Variants in KDSR observed in about 807,000 individuals in gnomAD.
The protein encoded by KDSR is 3-ketodihydrosphingosine reductase.
Under a neutral mutation model 41.3 loss-of-function variants are expected in KDSR, and 23 were observed. That is an observed-to-expected ratio of 0.56 (90% CI 0.40 to 0.79). The LOEUF (loss-of-function observed/expected upper bound fraction) is 0.79. KDSR is among the 30% of genes least tolerant of loss of function. KDSR has a pLI of 0.00. For missense variants in KDSR, 351 were observed against 416.8 expected, an observed-to-expected ratio of 0.84 and a Z score of 1.37; for synonymous variants, 138 against 151.7, an observed-to-expected ratio of 0.91 and a Z score of 0.66.
intron 7 of KDSR, among the ~76,000 whole-genome samples, chr18:63,342,428 G>T (rs1914369446): frequency 6.6e-6 from 1 of 152,114 alleles, no homozygotes; most frequent in Admixed American, 6.6e-5. Context: ...ACCAGGAACG[G>T]GGACGACCCC....
At chr18:63,337,702 G>A (rs118148185) in intron 8 of KDSR, among the ~76,000 whole-genome samples, 1,571 of 152,266 alleles carry the variant, frequency 0.01, 41 homozygotes, top group East Asian at 0.066. Flanking sequence ...TGAGGCGTGC[G>A]GATTACCCGA....
At chr18:63,341,010 T>C (rs1914327028) in intron 7 of KDSR, among the ~76,000 whole-genome samples, 1 of 152,212 alleles carries the variant, frequency 6.6e-6, no homozygotes, top group Non-Finnish European at 1.5e-5. Flanking sequence ...GAGCAGATGC[T>C]GGCATATGAG....
chr18:63,333,024 A>C (rs1914056267), intron 9 of KDSR, among the ~76,000 whole-genome samples: 1 of 152,192 alleles, frequency 6.6e-6, no homozygotes, highest in East Asian at 1.9e-4. Context: ...GAAAGAAAAA[A>C]AAGAGCCTGG....
rs764875529 is a variant in KDSR, at chr18:63,338,901, T to C, written c.694-18A>G. ...TCCAAAGGCTAAAAGTGGAAAAACATGTACATAACAATATCATGATTGCCC... is the reference window on the plus strand; with the variant it reads ...TCCAAAGGCTAAAAGTGGAAAAACACGTACATAACAATATCATGATTGCCC... On this transcript the variant is annotated intron_variant, in intron 7 of 9. Coordinates refer to ENST00000645214, the MANE Select transcript of KDSR (RefSeq NM_002035.4). The C allele has an allele frequency of 1.4e-6, 2 of 1,467,210 alleles. No homozygotes were observed. The highest frequency in any genetic ancestry group is 1.2e-5 in the South Asian group (1 of 82,868). 90.9% of individuals were successfully genotyped at this position (1,467,210 alleles called of 1,614,324 possible). A position where few individuals can be genotyped will look rare whatever the true frequency, so the allele number is the denominator to read the frequency against.
rs765406722 is a variant in KDSR at position 63,367,132 on chromosome 18, C to T, written c.-14G>A. 1.5e-5 allele frequency: 20 copies of T among 1,303,328 alleles called. No homozygotes were observed. Among genetic ancestry groups the T allele is most frequent in the Non-Finnish European group, 1.9e-5 (19 of 1,020,140 alleles). The allele number at this position is 1,303,328 out of a possible 1,614,324, so 80.7% of individuals were successfully genotyped here. On this transcript the variant is annotated 5_prime_UTR_variant, in exon 1 of 10. Transcript: ENST00000645214. ...CAGCAGCAGCATCGCTCCGCGGGGCCAGGGGCCCGGAGCGGCCGGGCGGGG... is the reference window on the plus strand; with the variant it reads ...CAGCAGCAGCATCGCTCCGCGGGGCTAGGGGCCCGGAGCGGCCGGGCGGGG...
intron 1 of KDSR, among the ~76,000 whole-genome samples, chr18:63,364,838 C>G (rs1383352130): frequency 1.3e-5 from 2 of 152,054 alleles, no homozygotes; most frequent in African/African-American, 2.4e-5. Context: ...TCTTATTTGT[C>G]AAAAAACGAA....
In KDSR at chr18:63,359,777, C is replaced by G. The variant is rs1207175434; in HGVS notation, c.214G>C (p.Ala72Pro). The G allele has an allele frequency of 1.2e-6, 2 of 1,608,546 alleles. No individual in the cohort carries two copies. The highest frequency in any genetic ancestry group is 2.2e-5 in the South Asian group (2 of 90,940). ...GAGTGCATTTCAATTTCTTTCTTTG[C>G]CTGCAGCAGCTTATCCTGAAAGCAA... The part of the protein sequence containing the change: ...VARNEDKLLQ[A>P]KKEIEMHSIN... Residue 72 changes from alanine (A) to proline (P), a missense_variant, in exon 3 of 10, where the codon GCA becomes CCA. Coordinates refer to ENST00000645214, the MANE Select transcript of KDSR (RefSeq NM_002035.4).
At chr18:63,365,552 A>AGT (rs1206115455) in intron 1 of KDSR, among the ~76,000 whole-genome samples, 1 of 152,254 alleles carries the variant, frequency 6.6e-6, no homozygotes, top group Non-Finnish European at 1.5e-5. Flanking sequence ...CCACCTGAAC[A>AGT]GACACAGCAT....
chr18:63,344,543 G>T lies in KDSR; in HGVS notation c.610-50C>A, dbSNP rs375319550. 2.1e-5 allele frequency: 29 copies of T among 1,351,064 alleles called. 1 individual carries two copies. Among genetic ancestry groups the T allele is most frequent in the East Asian group, 9.2e-5 (4 of 43,468 alleles). The allele number at this position is 1,351,064 out of a possible 1,614,324, so 83.7% of individuals were successfully genotyped here. A position where few individuals can be genotyped will look rare whatever the true frequency, so the allele number is the denominator to read the frequency against. Reference sequence around the variant, plus strand: ...CCTTCAGTAAACAAGACACACTGAGGTCCTACACTGCCAACCTGCACTGGC... The same window carrying T: ...CCTTCAGTAAACAAGACACACTGAGTTCCTACACTGCCAACCTGCACTGGC... On this transcript the variant is annotated intron_variant, in intron 6 of 9. Coordinates refer to ENST00000645214, the MANE Select transcript of KDSR (RefSeq NM_002035.4).
At chr18:63,364,567 C>T (rs1016668899) in intron 1 of KDSR, among the ~76,000 whole-genome samples, 1 of 152,114 alleles carries the variant, frequency 6.6e-6, no homozygotes, top group African/African-American at 2.4e-5. Context: ...TCTCAGACAC[C>T]CAAGTAGTGG....
At chr18:63,342,601 AGAAT>A (rs1036263727) in intron 7 of KDSR, among the ~76,000 whole-genome samples, 5 of 152,264 alleles carry the variant, frequency 3.3e-5, no homozygotes, top group Admixed American at 3.3e-4. Flanking sequence ...ATGTCACTAT[AGAAT>A]GGTCCAAGTG....
In KDSR at chr18:63,329,900, C is replaced by T. The variant is rs1913925445; in HGVS notation, c.*1882G>A. The T allele has an allele frequency of 5.2e-6, 1 of 192,624 alleles. No homozygotes were observed. The highest frequency in any genetic ancestry group is 1.1e-5 in the Non-Finnish European group (1 of 92,068). 11.9% of individuals were successfully genotyped at this position (192,624 alleles called of 1,614,324 possible). A position where few individuals can be genotyped will look rare whatever the true frequency, so the allele number is the denominator to read the frequency against. On this transcript the variant is annotated 3_prime_UTR_variant, in exon 10 of 10. Transcript: ENST00000645214. ...ATAAAAAGCTATGATTCCATTTTAGCAGCTGCACAACGCAACTCGATATAA... is the reference window on the plus strand; with the variant it reads ...ATAAAAAGCTATGATTCCATTTTAGTAGCTGCACAACGCAACTCGATATAA...
chr18:63,356,892 G>A lies in KDSR; in HGVS notation c.256-1329C>T, dbSNP rs376887762. Among the ~76,000 whole-genome samples the A allele has an allele frequency of 1.2e-4, 18 of 152,308 alleles. No homozygotes were observed. The East Asian group carries it at 1.4e-3, about 11-fold the overall frequency. ...GAAGGGGGTAAAGACCACAGTCTTA[G>A]AGAAAAACTCACATGTGCAGAAGAT... On this transcript the variant is annotated intron_variant, in intron 3 of 9. Coordinates refer to ENST00000645214, the MANE Select transcript of KDSR (RefSeq NM_002035.4).
At position 63,350,916 on chromosome 18, in the gene KDSR, C is replaced by T. The variant is rs1433780527; in HGVS notation, c.581G>A (p.Arg194Lys). The T allele has an allele frequency of 3.7e-6, 6 of 1,613,482 alleles. No individual in the cohort carries two copies. The highest frequency in any genetic ancestry group is 5.1e-6 in the Non-Finnish European group (6 of 1,179,768). Residue 194 changes from arginine to lysine, a missense_variant, in exon 6 of 10, where the codon AGG becomes AAG. By Grantham distance (26) the Arg-to-Lys change is conservative. Coordinates refer to ENST00000645214, the MANE Select transcript of KDSR (RefSeq NM_002035.4). ...CATCTGCAAAGCTTCTGCCAATCCC[C>T]TTATGGCAAACTTGGATGCAGAGTA... is the stretch of plus-strand genomic sequence containing the variant. ...TAYSASKFAI[R>K]GLAEALQMEV...
chr18:63,330,700 A>G lies in KDSR; in HGVS notation c.*1082T>C, dbSNP rs576390908. The G allele has an allele frequency of 8.6e-6, 2 of 231,460 alleles. No homozygotes were observed. Among genetic ancestry groups the G allele is most frequent in the African/African-American group, 4.4e-5 (2 of 45,258 alleles). The allele number at this position is 231,460 out of a possible 1,614,324, so 14.3% of individuals were successfully genotyped here. A position where few individuals can be genotyped will look rare whatever the true frequency, so the allele number is the denominator to read the frequency against. The stretch of plus-strand genomic sequence containing the variant: ...ATCATCAGCCTTTCCTAAAAGCTAC[A>G]TATATGCTCCGAGAAAAAGTCACAC... On this transcript the variant is annotated 3_prime_UTR_variant, in exon 10 of 10. Coordinates refer to ENST00000645214, the MANE Select transcript of KDSR (RefSeq NM_002035.4).
At chr18:63,352,998 C>T (rs1914696852) in intron 5 of KDSR, among the ~76,000 whole-genome samples, 1 of 132,454 alleles carries the variant, frequency 7.5e-6, no homozygotes, top group Non-Finnish European at 1.6e-5. Flanking sequence ...GAAAACCCGA[C>T]TCTACTAAAA....
chr18:63,343,159 A>G (rs915855719), intron 7 of KDSR, among the ~76,000 whole-genome samples: 1 of 152,182 alleles, frequency 6.6e-6, no homozygotes, highest in Non-Finnish European at 1.5e-5. Flanking sequence ...TATTTATAGT[A>G]ATGCAAGAAC....
intron 1 of KDSR, among the ~76,000 whole-genome samples, 184 bp from the exon 2 acceptor site, chr18:63,363,052 C>G (rs1014014933): frequency 6.6e-6 from 1 of 152,186 alleles, no homozygotes; most frequent in Admixed American, 6.5e-5. Context: ...ATACTATCAG[C>G]AAGGCCTGCT....
At position 63,328,150 on chromosome 18, in the gene KDSR, C is replaced by G. The variant is rs1442028636; in HGVS notation, c.*3632G>C. 5.4e-6 allele frequency: 1 copy of G among 184,758 alleles called. No homozygotes were observed. Among genetic ancestry groups the G allele is most frequent in the African/African-American group, 2.3e-5 (1 of 42,652 alleles). 11.4% of individuals were successfully genotyped at this position (184,758 alleles called of 1,614,324 possible). A position where few individuals can be genotyped will look rare whatever the true frequency, so the allele number is the denominator to read the frequency against. ...TGAGTAATACATGTTTAAATTAGAA[C>G]CTGATGTAATTAAATGTTTATGTAA... is the stretch of plus-strand genomic sequence containing the variant. On this transcript the variant is annotated 3_prime_UTR_variant, in exon 10 of 10. Transcript: ENST00000645214.
Sources: allele counts gnomAD v4.1 joint callset (sites outside exome capture counted in the v4.1 genomes callset), GRCh38; gene constraint gnomAD v4.1.1; transcripts MANE v1.5; gene names NCBI Gene and HGNC (gene_info 2026-07-23, HGNC 2026-07-21).